TBC1D5: variants seen among roughly 807,000 people sequenced by gnomAD.
The protein encoded by TBC1D5 is TBC1 domain family member 5, also known as TBC1 domain family, member 5.
A neutral mutation model predicts 100.3 loss-of-function variants in TBC1D5; 75 were observed. The observed-to-expected ratio is 0.75, with a 90% confidence interval of 0.62 to 0.91. The LOEUF (loss-of-function observed/expected upper bound fraction) is 0.91, where lower values mean the gene tolerates loss of function less well. Among genes scored for constraint, TBC1D5 ranks in the 40% least tolerant of loss-of-function variants. The pLI is 0.00. For missense variants in TBC1D5, 910 were observed against 942.4 expected (o/e 0.97, Z 0.45); for synonymous variants, 323 against 325.6 (o/e 0.99, Z 0.09).
chr3:17,291,825 T>C, intron 15 of TBC1D5, 70 bp downstream of exon 15: 1 of 1,380,512 alleles, frequency 7.2e-7, no homozygotes, highest in East Asian at 2.3e-5. Context: ...TTGGAATTCT[T>C]AGACTCTACA....
intron 1 of TBC1D5, among the ~76,000 whole-genome samples, chr3:17,693,546 G>T (rs766301201): frequency 2.6e-5 from 4 of 152,190 alleles, no homozygotes; most frequent in Non-Finnish European, 4.4e-5. Flanking sequence ...GTCCCCCATC[G>T]CTGAGGCTTC....
chr3:17,740,571 TTA>T (rs1461342762), exon 1 of TBC1D5: 1 of 152,212 alleles, frequency 6.6e-6, no homozygotes, highest in East Asian at 1.9e-4. Flanking sequence ...TGTTATGAAG[TTA>T]TGTGTGACAT....
chr3:17,386,768 G>A (rs1194602118), intron 8 of TBC1D5, among the ~76,000 whole-genome samples: 10 of 152,116 alleles, frequency 6.6e-5, no homozygotes, highest in African/African-American at 1.7e-4. Flanking sequence ...CCCAATTCAC[G>A]AATCGTTCAT....
At chr3:17,659,293 T>A (rs1400784138) in intron 1 of TBC1D5, among the ~76,000 whole-genome samples, 1 of 152,182 alleles carries the variant, frequency 6.6e-6, no homozygotes, top group East Asian at 1.9e-4. Flanking sequence ...AGGTGCTGAA[T>A]AATATGTATC....
chr3:17,251,171 G>A (rs1300031640), intron 16 of TBC1D5, among the ~76,000 whole-genome samples: 1 of 151,942 alleles, frequency 6.6e-6, no homozygotes, highest in East Asian at 1.9e-4. Flanking sequence ...TTATTCCCTG[G>A]CGATTTGTTC....
chr3:17,630,160 T>C (rs1433240534), intron 1 of TBC1D5, among the ~76,000 whole-genome samples: 1 of 152,202 alleles, frequency 6.6e-6, no homozygotes, highest in African/African-American at 2.4e-5. Context: ...TCATTTTTCA[T>C]TTCTGTTAAC....
rs1406066952 is a variant in TBC1D5 at position 17,531,250 on chromosome 3, T to A, written c.-35-22645A>T. ...CCATTCACAATTGCTTCAAAGAGAA[T>A]AAAATACCTAGGAATCAAACTTACA... On this transcript the variant is annotated intron_variant, in intron 2 of 21. Transcript: ENST00000253692. 4.1e-4 allele frequency among the ~76,000 whole-genome samples: 62 copies of A among 152,130 alleles called. 1 individual carries two copies. The highest frequency in any genetic ancestry group is 4.1e-3 in the Admixed American group (62 of 15,280).
intron 17 of TBC1D5, 72 bp from the exon 18 acceptor site, chr3:17,233,822 G>A: frequency 1.1e-6 from 1 of 910,166 alleles, no homozygotes; most frequent in Non-Finnish European, 1.7e-6. Flanking sequence ...CTTTTATACT[G>A]AATGTTCTAA....
At chr3:17,704,802 CG>C (rs1437431745) in intron 1 of TBC1D5, among the ~76,000 whole-genome samples, 10 of 82,644 alleles carry the variant, frequency 1.2e-4, no homozygotes, top group African/African-American at 5.2e-4. Context: ...ACCTCCCAGA[CG>C]GGGCGGCTGG....
chr3:17,407,258 T>G lies in TBC1D5; in HGVS notation c.168-732A>C, dbSNP rs76425270. Among the ~76,000 whole-genome samples, 22 of 152,270 alleles carry G rather than the reference T, an allele frequency of 1.4e-4. No homozygotes were observed. In the East Asian group the frequency reaches 4.2e-3, roughly 29 times the overall value. On this transcript the variant is annotated intron_variant, in intron 4 of 21. Transcript: ENST00000253692. ...TAATATACAAGTAAATCTGCTCTAC[T>G]GGGAAACAATTGGAAATTAATTGTC... is the stretch of plus-strand genomic sequence containing the variant.
chr3:17,343,297 T>G (rs112331901), intron 13 of TBC1D5, among the ~76,000 whole-genome samples: 2 of 151,394 alleles, frequency 1.3e-5, no homozygotes, highest in Non-Finnish European at 3.0e-5. Context: ...TGAACCAGCC[T>G]TGCATCCCAG....
At chr3:17,211,012 A>AT (rs1333257592) in intron 18 of TBC1D5, among the ~76,000 whole-genome samples, 2 of 152,242 alleles carry the variant, frequency 1.3e-5, no homozygotes, top group Non-Finnish European at 2.9e-5. Flanking sequence ...AAAAAAATCT[A>AT]TTAAAATATG....
chr3:17,456,918 T>C (rs2095099112), intron 3 of TBC1D5, among the ~76,000 whole-genome samples: 1 of 152,196 alleles, frequency 6.6e-6, no homozygotes. Context: ...GTTACATTTA[T>C]ATGATATGTC....
At chr3:17,556,898 G>A (rs974385113) in intron 2 of TBC1D5, among the ~76,000 whole-genome samples, 10 of 152,136 alleles carry the variant, frequency 6.6e-5, no homozygotes, top group Non-Finnish European at 1.3e-4. Flanking sequence ...AAAGGATAAA[G>A]AAGTAGAAGA....
At chr3:17,213,431 G>A (rs1407011258) in intron 18 of TBC1D5, among the ~76,000 whole-genome samples, 5 of 152,202 alleles carry the variant, frequency 3.3e-5, no homozygotes, top group African/African-American at 1.2e-4. Flanking sequence ...TTTTAAAGCA[G>A]TGGATATGCC....
At chr3:17,428,185 A>G (rs936528503) in intron 4 of TBC1D5, among the ~76,000 whole-genome samples, 2 of 151,742 alleles carry the variant, frequency 1.3e-5, no homozygotes, top group Non-Finnish European at 3.0e-5. Context: ...CAATTACCCT[A>G]CTATTGGCTA....
intron 15 of TBC1D5, among the ~76,000 whole-genome samples, chr3:17,263,387 G>C (rs1028879528): frequency 6.7e-5 from 9 of 135,222 alleles, no homozygotes; most frequent in African/African-American, 2.5e-4. Context: ...AAAAAAAAAA[G>C]AGAAAGAAAA....
intron 9 of TBC1D5, among the ~76,000 whole-genome samples, chr3:17,378,452 ATGCTAGCAAGAT>A (rs1450334057): frequency 1.3e-5 from 2 of 151,926 alleles, no homozygotes; most frequent in African/African-American, 2.4e-5. Flanking sequence ...GTTTATTTAA[ATGCTAGCAAGAT>A]TGAACCCCAA....
At chr3:17,729,678 G>A (rs1395368318) in intron 1 of TBC1D5, among the ~76,000 whole-genome samples, 3 of 152,068 alleles carry the variant, frequency 2.0e-5, no homozygotes, top group Admixed American at 1.3e-4. Flanking sequence ...CTGCACTACA[G>A]CCAGGGAGAC....
Sources: gnomAD v4.1 joint callset for allele counts (sites outside exome capture counted in the v4.1 genomes callset) on GRCh38, gnomAD v4.1.1 for gene constraint, MANE v1.5 for transcripts, NCBI Gene and HGNC (gene_info 2026-07-23, HGNC 2026-07-21) for gene names.